The following ZBTB20 variants were observed in gnomAD, a reference collection of about 807,000 sequenced individuals.
ZBTB20 encodes the protein zinc finger and BTB domain containing 20, also known as zinc finger and BTB domain-containing protein 20.
A neutral mutation model predicts 56.9 loss-of-function variants in ZBTB20; 9 were observed. That is an observed-to-expected ratio of 0.16 (90% CI 0.10 to 0.28). The LOEUF (loss-of-function observed/expected upper bound fraction) is 0.28. Among genes scored for constraint, ZBTB20 ranks in the 10% least tolerant of loss-of-function variants. The pLI is 1.00. For missense variants in ZBTB20, 655 were observed against 1,003.0 expected, an observed-to-expected ratio of 0.65 and a Z score of 4.69; for synonymous variants, 417 against 420.7, an observed-to-expected ratio of 0.99 and a Z score of 0.11.
rs1300375559 is a variant in ZBTB20, at chr3:114,337,066, AGATTG to A, written c.*1934_*1938del. On this transcript the variant is annotated 3_prime_UTR_variant, in exon 12 of 12. Transcript: ENST00000675478. ...AGAGTGGCATCTGGTATGATGCAAT[AGATTG>A]GTGGTCTTTTGAATGGTGGCTGTTG... 6.6e-6 allele frequency: 1 copy of A among 152,180 alleles called. No homozygotes were observed. Among genetic ancestry groups the A allele is most frequent in the Admixed American group, 6.5e-5 (1 of 15,276 alleles). 9.4% of individuals were successfully genotyped at this position (152,180 alleles called of 1,614,324 possible).
chr3:114,489,026 CA>C (rs2109474298), intron 7 of ZBTB20, among the ~76,000 whole-genome samples: 1 of 152,224 alleles, frequency 6.6e-6, no homozygotes, highest in South Asian at 2.1e-4. Context: ...GAAAGATAAA[CA>C]GGACTGTATG....
intron 6 of ZBTB20, among the ~76,000 whole-genome samples, chr3:114,503,072 A>C (rs1192620749): frequency 6.6e-6 from 1 of 152,196 alleles, no homozygotes; most frequent in Non-Finnish European, 1.5e-5. Context: ...GTTAAAATTA[A>C]ATTTTTGATG....
chr3:114,962,416 A>G (rs185047610), intron 3 of ZBTB20, among the ~76,000 whole-genome samples: 3 of 152,240 alleles, frequency 2.0e-5, no homozygotes, highest in Admixed American at 1.3e-4. Context: ...AAGTAATAAG[A>G]TAACAGTCTA....
intron 2 of ZBTB20, among the ~76,000 whole-genome samples, chr3:115,032,302 A>G (rs962888611): frequency 1.3e-5 from 2 of 151,482 alleles, no homozygotes; most frequent in African/African-American, 4.8e-5. Flanking sequence ...TAACCACTTT[A>G]TTGATCTTTT....
rs73224517 is a variant in ZBTB20 at position 114,572,312 on chromosome 3, T to A, written c.-294-71921A>T. On this transcript the variant is annotated intron_variant, in intron 6 of 11. Coordinates refer to ENST00000675478, the MANE Select transcript of ZBTB20 (RefSeq NM_001348800.3). The stretch of plus-strand genomic sequence containing the variant: ...TTGCCTAGATGCTAGTAAGATAGAT[T>A]ATGGAATAACACACAAAGTGTAAGC... Among the ~76,000 whole-genome samples the A allele has an allele frequency of 6.3e-3, 957 of 152,340 alleles. 7 individuals are homozygous for A. The highest frequency in any genetic ancestry group is 9.9e-3 in the Non-Finnish European group (674 of 68,034).
At chr3:114,812,725 G>C (rs2072632098) in intron 4 of ZBTB20, among the ~76,000 whole-genome samples, 1 of 152,238 alleles carries the variant, frequency 6.6e-6, no homozygotes, top group Non-Finnish European at 1.5e-5. Context: ...TGGTCGATGG[G>C]ACTGGGCGCC....
At chr3:114,653,946 A>G (rs1025681869) in intron 6 of ZBTB20, among the ~76,000 whole-genome samples, 2 of 147,038 alleles carry the variant, frequency 1.4e-5, no homozygotes. Flanking sequence ...TAATATTGTT[A>G]TGATATGTAA....
chr3:114,746,200 T>A (rs550673676), intron 5 of ZBTB20, among the ~76,000 whole-genome samples: 3 of 152,312 alleles, frequency 2.0e-5, no homozygotes, highest in African/African-American at 7.2e-5. Context: ...AGGCTTCTGT[T>A]ACCAGACTAT....
intron 4 of ZBTB20, among the ~76,000 whole-genome samples, chr3:114,837,081 T>C (rs2074157190): frequency 6.6e-6 from 1 of 152,174 alleles, no homozygotes; most frequent in African/African-American, 2.4e-5. Context: ...CTGCCCAGAC[T>C]GCTCTGTTCC....
At chr3:114,738,871 C>T (rs372312841) in intron 5 of ZBTB20, among the ~76,000 whole-genome samples, 2 of 152,140 alleles carry the variant, frequency 1.3e-5, no homozygotes, top group African/African-American at 2.4e-5. Flanking sequence ...GTCTGTAGGA[C>T]TTTATAGAAC....
At chr3:114,983,368 C>T (rs2078407071) in intron 2 of ZBTB20, among the ~76,000 whole-genome samples, 1 of 151,880 alleles carries the variant, frequency 6.6e-6, no homozygotes, top group South Asian at 2.1e-4. Context: ...TTAATTTTAA[C>T]TCGAGAAATG....
chr3:114,395,006 A>G (rs1167360255), intron 7 of ZBTB20, among the ~76,000 whole-genome samples: 2 of 152,168 alleles, frequency 1.3e-5, no homozygotes, highest in Admixed American at 1.3e-4. Context: ...TAATAATTCA[A>G]ATAACACCTT....
chr3:114,606,964 G>C lies in ZBTB20; in HGVS notation c.-295+86564C>G, dbSNP rs909311515. Among the ~76,000 whole-genome samples the C allele has an allele frequency of 9.2e-5, 14 of 151,944 alleles. 1 individual carries two copies. The South Asian group carries it at 2.7e-3, about 29-fold the overall frequency. ...AATACAAAAATTAACTGGGCGTGGT[G>C]GTGGGCACCTGTAGTCCCAGCTACT... On this transcript the variant is annotated intron_variant, in intron 6 of 11. Coordinates refer to ENST00000675478, the MANE Select transcript of ZBTB20 (RefSeq NM_001348800.3).
chr3:115,018,072 C>T (rs1051649989), intron 2 of ZBTB20, among the ~76,000 whole-genome samples: 9 of 151,346 alleles, frequency 5.9e-5, no homozygotes, highest in African/African-American at 1.7e-4. Flanking sequence ...CATTGAATCA[C>T]TGCTGATTTG....
chr3:114,932,097 G>C (rs2076381512), intron 3 of ZBTB20, among the ~76,000 whole-genome samples: 1 of 152,146 alleles, frequency 6.6e-6, no homozygotes, highest in Non-Finnish European at 1.5e-5. Context: ...TAAAGATCTG[G>C]TAGGCAGGAA....
Position 114,463,025 on chromosome 3 carries a change from G to A in ZBTB20, c.-255+37327C>T, listed in dbSNP as rs112958141. 1.9e-3 allele frequency among the ~76,000 whole-genome samples: 283 copies of A among 152,276 alleles called. 1 individual carries two copies. Among genetic ancestry groups the A allele is most frequent in the African/African-American group, 5.8e-3 (240 of 41,550 alleles). ...TTCTGTTTGGGTTGCTGTTTCCTCT[G>A]AGCCAGTCACACTGGTGCATCAGGA... On this transcript the variant is annotated intron_variant, in intron 7 of 11. Coordinates refer to ENST00000675478, the MANE Select transcript of ZBTB20 (RefSeq NM_001348800.3).
intron 1 of ZBTB20, among the ~76,000 whole-genome samples, chr3:115,090,441 A>C (rs1410676597): frequency 6.6e-6 from 1 of 151,716 alleles, no homozygotes. Context: ...TGATGGGTAA[A>C]AATTTTATCT....
At chr3:114,460,972 G>A (rs2109128325) in intron 7 of ZBTB20, among the ~76,000 whole-genome samples, 1 of 152,264 alleles carries the variant, frequency 6.6e-6, no homozygotes, top group East Asian at 1.9e-4. Context: ...TTGACATAAA[G>A]CAATCAATCT....
intron 2 of ZBTB20, among the ~76,000 whole-genome samples, chr3:115,015,509 T>C (rs1371982406): frequency 3.3e-5 from 5 of 151,534 alleles, no homozygotes; most frequent in Non-Finnish European, 7.4e-5. Flanking sequence ...GTTGTCCCCC[T>C]CCCCATGTGT....
Sources: allele counts gnomAD v4.1 joint callset (sites outside exome capture counted in the v4.1 genomes callset), GRCh38; gene constraint gnomAD v4.1.1; transcripts MANE v1.5; gene names NCBI Gene and HGNC (gene_info 2026-07-23, HGNC 2026-07-21).